The following YEATS4 variants were observed in gnomAD, a reference collection of about 807,000 sequenced individuals.
The protein encoded by YEATS4 is YEATS domain-containing protein 4.
A neutral mutation model predicts 30.1 loss-of-function variants in YEATS4; 17 were observed. That is an observed-to-expected ratio of 0.56 (90% confidence interval 0.39 to 0.85). The LOEUF (loss-of-function observed/expected upper bound fraction) is 0.85, where lower values mean the gene tolerates loss of function less well. Among genes scored for constraint, YEATS4 ranks in the 40% least tolerant of loss-of-function variants. YEATS4 has a pLI of 0.00. For synonymous variants in YEATS4, 85 were observed against 87.5 expected (o/e 0.97, Z 0.16); for missense variants, 142 against 268.3 (o/e 0.53, Z 3.29).
rs1258898656 is a variant in YEATS4 at position 69,365,705 on chromosome 12, A to AT, written c.238+7dup. 6.2e-7 allele frequency: 1 copy of AT among 1,609,758 alleles called. No homozygotes were observed. Among genetic ancestry groups the AT allele is most frequent in the African/African-American group, 1.3e-5 (1 of 74,756 alleles). ...CTATGGCAATCCTTTAAGAGGTACA[A>AT]TATAGTCTTTTGATTCACAATATCC... On this transcript the variant is annotated splice_region_variant and intron_variant, in intron 3 of 6. Transcript: ENST00000247843.
chr12:69,413,818 C>T, the YEATS4 span, among the ~76,000 whole-genome samples: 1 of 149,754 alleles, frequency 6.7e-6, no homozygotes, highest in Non-Finnish European at 1.5e-5. Context: ...CACCACTGCA[C>T]TCAAGCCTGG....
chr12:69,390,209 G>C lies in YEATS4; in HGVS notation c.577G>C (p.Glu193Gln), dbSNP rs1308465468. ...AGCTGCTAAGAAAAAAACAAGCTTT[G>C]AGATTGCAGAGCTTAAGGAGAGATT... ...LEAAKKKTSFEIAELKERLKA... is the reference protein window; with the variant it reads ...LEAAKKKTSFQIAELKERLKA... Residue 193 changes from glutamate to glutamine, a missense_variant, in exon 7 of 7, where the codon GAG (glutamate) becomes CAG (glutamine). Coordinates refer to ENST00000247843, the MANE Select transcript of YEATS4 (RefSeq NM_006530.4). The C allele has an allele frequency of 1.2e-5, 19 of 1,602,124 alleles. No homozygotes were observed. Among genetic ancestry groups the C allele is most frequent in the Non-Finnish European group, 1.5e-5 (18 of 1,177,304 alleles).
In YEATS4 at chr12:69,362,789, G is replaced by T. The variant is rs760247127; in HGVS notation, c.53G>T (p.Gly18Val). 7 of 1,599,490 alleles carry T rather than the reference G, an allele frequency of 4.4e-6. No individual in the cohort carries two copies. The African/African-American group carries it at 8.1e-5, about 18-fold the overall frequency. The change falls in exon 2 of 7, where the codon GGT becomes GTT. Residue 18 changes from glycine (G) to valine (V), a missense_variant and splice_region_variant. Physicochemically the swap from Gly to Val is moderately radical, Grantham distance 109. This residue lies in a region of YEATS4 where 25 missense variants were observed against 35.7 expected (regional missense o/e 0.70). Coordinates refer to ENST00000247843, the MANE Select transcript of YEATS4 (RefSeq NM_006530.4). ...FGPDSGGRVKGVTIVKPIVYG... is the reference protein window; with the variant it reads ...FGPDSGGRVKVVTIVKPIVYG... ...ATTTTAAAATTATTTTTCTTTTAGG[G>T]TGTTACTATCGTTAAACCAATAGTT...
At chr12:69,380,445 C>G (rs1194631770) in intron 6 of YEATS4, among the ~76,000 whole-genome samples, 1 of 152,208 alleles carries the variant, frequency 6.6e-6, no homozygotes, top group Non-Finnish European at 1.5e-5. Context: ...CTTACTTTCT[C>G]CCAAACAAAC....
chr12:69,361,902 A>G (rs1044876344), intron 1 of YEATS4, among the ~76,000 whole-genome samples: 4 of 152,058 alleles, frequency 2.6e-5, no homozygotes, highest in Non-Finnish European at 5.9e-5. Flanking sequence ...CATTTTTGCC[A>G]TGTCTGAATT....
intron 4 of YEATS4, among the ~76,000 whole-genome samples, chr12:69,369,035 C>T (rs1875542962): frequency 6.6e-6 from 1 of 152,178 alleles, no homozygotes; most frequent in Non-Finnish European, 1.5e-5. Flanking sequence ...CAAGACCAGC[C>T]TGGGCAACAT....
At chr12:69,378,761 TCGG>T (rs1875962602) in intron 6 of YEATS4, among the ~76,000 whole-genome samples, 5 of 152,248 alleles carry the variant, frequency 3.3e-5, no homozygotes, top group African/African-American at 1.2e-4. Context: ...TTATTTTTGA[TCGG>T]TTCATCTTTT....
At chr12:69,382,193 G>A (rs573975141) in intron 6 of YEATS4, among the ~76,000 whole-genome samples, 4 of 152,320 alleles carry the variant, frequency 2.6e-5, no homozygotes, top group Admixed American at 6.5e-5. Context: ...ATTTGCATGC[G>A]ATGTTCGAGA....
At chr12:69,383,688 C>T (rs1876166499) in intron 6 of YEATS4, among the ~76,000 whole-genome samples, 1 of 152,156 alleles carries the variant, frequency 6.6e-6, no homozygotes, top group Admixed American at 6.6e-5. Context: ...TAAGATGGAG[C>T]TCCTTGATGA....
chr12:69,402,961 G>A, the YEATS4 span, among the ~76,000 whole-genome samples: 6 of 151,688 alleles, frequency 4.0e-5, no homozygotes, highest in African/African-American at 1.5e-4. Context: ...GACCTCAAGT[G>A]ATCTACCCAC....
chr12:69,389,173 G>A (rs1467883672), intron 6 of YEATS4, among the ~76,000 whole-genome samples: 1 of 152,052 alleles, frequency 6.6e-6, no homozygotes, highest in Non-Finnish European at 1.5e-5. Flanking sequence ...ACCTGGGCCG[G>A]GCCTGGTGGC....
chr12:69,421,840 A>G, the YEATS4 span, among the ~76,000 whole-genome samples: 1 of 152,200 alleles, frequency 6.6e-6, no homozygotes, highest in Non-Finnish European at 1.5e-5. Flanking sequence ...ACCTTTATGG[A>G]AAAGTCTGGA....
chr12:69,407,973 C>T, the YEATS4 span, among the ~76,000 whole-genome samples: 35 of 152,172 alleles, frequency 2.3e-4, no homozygotes, highest in African/African-American at 8.0e-4. Flanking sequence ...ACCTTGGCCT[C>T]CCAAAGTGTT....
At chr12:69,370,676 A>G (rs1490346457) in intron 4 of YEATS4, 30 bp from the exon 5 acceptor site, 7 of 1,500,460 alleles carry the variant, frequency 4.7e-6, no homozygotes, top group Non-Finnish European at 6.2e-6. Flanking sequence ...AAACCATTGC[A>G]CAGATTTGAC....
chr12:69,423,371 G>T, the YEATS4 span, among the ~76,000 whole-genome samples: 2 of 152,232 alleles, frequency 1.3e-5, no homozygotes, highest in African/African-American at 2.4e-5. Context: ...CATAAAAGGG[G>T]TATAAACAGG....
intron 6 of YEATS4, among the ~76,000 whole-genome samples, chr12:69,376,653 A>G (rs750901256): frequency 9.2e-5 from 14 of 152,136 alleles, no homozygotes; most frequent in Non-Finnish European, 2.9e-5. Context: ...CATCAGGGAT[A>G]TTGGCCTGTG....
At chr12:69,390,098 C>T (rs1381506782) in intron 6 of YEATS4, 49 bp from the exon 7 acceptor site, 1 of 1,462,504 alleles carries the variant, frequency 6.8e-7, no homozygotes, top group Non-Finnish European at 9.2e-7. Flanking sequence ...TGTCATATAT[C>T]TTAAACATGT....
intron 6 of YEATS4, among the ~76,000 whole-genome samples, chr12:69,372,144 T>A (rs1176753415): frequency 5.9e-5 from 9 of 152,072 alleles, no homozygotes; most frequent in Non-Finnish European, 1.3e-4. Flanking sequence ...AGATATGAAG[T>A]CATTTGTGAG....
At chr12:69,388,196 G>C (rs928135918) in intron 6 of YEATS4, among the ~76,000 whole-genome samples, 1 of 152,270 alleles carries the variant, frequency 6.6e-6, no homozygotes, top group East Asian at 1.9e-4. Flanking sequence ...GCGTAGCTGG[G>C]ACTACAAGTG....
Sources: gnomAD v4.1 joint callset for allele counts (sites outside exome capture counted in the v4.1 genomes callset) on GRCh38, gnomAD v4.1.1 for gene constraint, gnomAD v4.1.1 regional missense constraint, MANE v1.5 for transcripts, NCBI Gene and HGNC (gene_info 2026-07-23, HGNC 2026-07-21) for gene names.